CEACAM1: variants seen among roughly 807,000 people sequenced by gnomAD.
CEACAM1 encodes CEA cell adhesion molecule 1.
Under a neutral mutation model 49.1 loss-of-function variants are expected in CEACAM1, and 31 were observed. The observed-to-expected ratio is 0.63, with a 90% CI of 0.47 to 0.85. The LOEUF (loss-of-function observed/expected upper bound fraction) is 0.85. CEACAM1 is among the 40% of genes least tolerant of loss of function. CEACAM1 has a pLI of 0.00. For synonymous variants in CEACAM1, 244 were observed against 247.8 expected (o/e 0.98, Z 0.14); for missense variants, 570 against 645.3 (o/e 0.88, Z 1.26).
chr19:42,521,718 C>A (rs999474706), intron 3 of CEACAM1, among the ~76,000 whole-genome samples, 197 bp from the exon 4 acceptor site: 1 of 152,180 alleles, frequency 6.6e-6, no homozygotes, highest in African/African-American at 2.4e-5. Context: ...CCTGAGCCTC[C>A]CAGGACAGGA....
rs773175580 is a variant in CEACAM1 at position 42,522,155 on chromosome 19, C to G, written c.472G>C (p.Glu158Gln). Reference sequence around the variant, plus strand: ...GTGAAGGCCACAGCATCCTTGTCCTCCACAGGGTTGGAGTTGTTGCTGGAG... The same window carrying G: ...GTGAAGGCCACAGCATCCTTGTCCTGCACAGGGTTGGAGTTGTTGCTGGAG... Reference protein sequence around the residue: ...SISSNNSNPVEDKDAVAFTCE... With the variant: ...SISSNNSNPVQDKDAVAFTCE... Residue 158 changes from glutamate to glutamine, a missense_variant, in exon 3 of 9, where the codon GAG (glutamate) becomes CAG (glutamine). Coordinates refer to ENST00000161559, the MANE Select transcript of CEACAM1 (RefSeq NM_001712.5). 4 of 1,614,110 alleles carry G rather than the reference C, an allele frequency of 2.5e-6. No homozygotes were observed. In the African/African-American group the frequency reaches 5.3e-5, roughly 22 times the overall value.
At chr19:42,517,051 T>G (rs1035817935) in intron 5 of CEACAM1, among the ~76,000 whole-genome samples, 1 of 152,234 alleles carries the variant, frequency 6.6e-6, no homozygotes, top group Admixed American at 6.5e-5. Flanking sequence ...AAATGTTTTT[T>G]GACAAGGGTG....
At position 42,527,302 on chromosome 19, in the gene CEACAM1, C is replaced by G; in HGVS notation, c.163G>C (p.Val55Leu). ...VAEGKEVLLL[V>L]HNLPQQLFGY... ...AAAAGTTGCTGGGGCAGATTGTGGA[C>G]AAGGAGAAGAACCTCCTTCCCCTCT... is the stretch of plus-strand genomic sequence containing the variant. The change falls in exon 2 of 9, where the codon GTC becomes CTC. Residue 55 changes from valine (V) to leucine (L), a missense_variant. Coordinates refer to ENST00000161559, the MANE Select transcript of CEACAM1 (RefSeq NM_001712.5). 11 of 1,614,096 alleles carry G rather than the reference C, an allele frequency of 6.8e-6. No homozygotes were observed. The highest frequency in any genetic ancestry group is 9.3e-6 in the Non-Finnish European group (11 of 1,180,016).
Position 42,519,033 on chromosome 19 carries a change from C to T in CEACAM1, c.1161G>A (p.Lys387=), listed in dbSNP as rs767505210. ...ACCAATACGTCCCAGCATCCTCCCT[C>T]TTGACAGGGTTTATGCTGAGGGTGG... ...GNTTLSINPV[K]REDAGTYWCE... Residue 387 remains lysine, a synonymous_variant, in exon 5 of 9, where the codon AAG becomes AAA. Transcript: ENST00000161559. 3.1e-6 allele frequency: 5 copies of T among 1,614,174 alleles called. No homozygotes were observed. Among genetic ancestry groups the T allele is most frequent in the South Asian group, 1.1e-5 (1 of 91,082 alleles).
chr19:42,526,590 A>T (rs939767149), intron 2 of CEACAM1, among the ~76,000 whole-genome samples: 2 of 152,176 alleles, frequency 1.3e-5, no homozygotes, highest in African/African-American at 4.8e-5. Context: ...AGGAGGCCAC[A>T]ATCTAGCCCT....
rs1212210256 is a variant in CEACAM1, at chr19:42,514,997, G to A, written c.1247-2518C>T. On this transcript the variant is annotated intron_variant, in intron 5 of 8. Coordinates refer to ENST00000161559, the MANE Select transcript of CEACAM1 (RefSeq NM_001712.5). ...TTAAAATAACACTATGGGGCCAGGCGTGGTGGCTCACACCTGTAATCTCAG... is the reference window on the plus strand; with the variant it reads ...TTAAAATAACACTATGGGGCCAGGCATGGTGGCTCACACCTGTAATCTCAG... 3 of 662,996 alleles carry A rather than the reference G, an allele frequency of 4.5e-6. No homozygotes were observed. The East Asian group carries it at 8.7e-5, about 19-fold the overall frequency. The allele number at this position is 662,996 out of a possible 1,614,324, so 41.1% of individuals were successfully genotyped here. A position where few individuals can be genotyped will look rare whatever the true frequency, so the allele number is the denominator to read the frequency against.
intron 2 of CEACAM1, among the ~76,000 whole-genome samples, chr19:42,524,534 G>A (rs1487453625): frequency 6.6e-6 from 1 of 152,190 alleles, no homozygotes; most frequent in African/African-American, 2.4e-5. Flanking sequence ...GCTTATGATG[G>A]ACCTGGCAGG....
intron 8 of CEACAM1, among the ~76,000 whole-genome samples, chr19:42,510,069 A>G (rs1053604256): frequency 6.6e-6 from 1 of 151,956 alleles, no homozygotes; most frequent in South Asian, 2.1e-4. Flanking sequence ...TGTTTGCTCT[A>G]TTGAAAAGGT....
intron 4 of CEACAM1, among the ~76,000 whole-genome samples, chr19:42,519,789 T>C (rs1316750965): frequency 6.6e-6 from 1 of 152,152 alleles, no homozygotes; most frequent in Non-Finnish European, 1.5e-5. Context: ...CAGGATGGTC[T>C]TGATCTCCTG....
At chr19:42,527,511 G>C in intron 1 of CEACAM1, 111 bp from the exon 2 acceptor site, 1 of 914,036 alleles carries the variant, frequency 1.1e-6, no homozygotes, top group Non-Finnish European at 1.5e-6. Flanking sequence ...TGGAGTGTGT[G>C]TGTGTGTGTG....
Position 42,527,413 on chromosome 19 carries a change from AGAGAG to A in CEACAM1, c.65-18_65-14del. 1 of 1,574,398 alleles carries A rather than the reference AGAGAG, an allele frequency of 6.4e-7. No homozygotes were observed. Among genetic ancestry groups the A allele is most frequent in the Non-Finnish European group, 8.6e-7 (1 of 1,161,352 alleles). On this transcript the variant is annotated splice_polypyrimidine_tract_variant and intron_variant, in intron 1 of 8. Coordinates refer to ENST00000161559, the MANE Select transcript of CEACAM1 (RefSeq NM_001712.5). ...GTTAGAAGTGAGGCTAGGAGAGAGG[AGAGAG>A]CATCAGTCAATATTGGGACCTATGC...
intron 5 of CEACAM1, among the ~76,000 whole-genome samples, chr19:42,513,908 ATAT>A (rs1568652544): frequency 4.5e-5 from 6 of 132,942 alleles, no homozygotes; most frequent in African/African-American, 1.9e-4. Context: ...ATATATATAT[ATAT>A]ATATATAATA....
chr19:42,509,632 GTT>G (rs775431561), intron 8 of CEACAM1, among the ~76,000 whole-genome samples: 1 of 145,316 alleles, frequency 6.9e-6, no homozygotes, highest in Non-Finnish European at 1.5e-5. Context: ...GACTGGTAGA[GTT>G]TTTTTTTTTT....
intron 3 of CEACAM1, among the ~76,000 whole-genome samples, 153 bp from the exon 4 acceptor site, chr19:42,521,674 C>T (rs1007716164): frequency 1.3e-5 from 2 of 152,224 alleles, no homozygotes; most frequent in Admixed American, 1.3e-4. Flanking sequence ...GGGTCTGAGA[C>T]ATTCACCTGT....
At chr19:42,522,276 T>A in intron 2 of CEACAM1, 74 bp from the exon 3 acceptor site, 6 of 1,561,766 alleles carry the variant, frequency 3.8e-6, no homozygotes, top group Non-Finnish European at 2.6e-6. Context: ...TCTTTTCTTA[T>A]TTATTTATTT....
chr19:42,528,033 C>T (rs556081938), intron 1 of CEACAM1, among the ~76,000 whole-genome samples: 11 of 152,344 alleles, frequency 7.2e-5, no homozygotes, highest in South Asian at 2.1e-4. Flanking sequence ...TTAATTGTCA[C>T]GCTGACTTAA....
intron 2 of CEACAM1, among the ~76,000 whole-genome samples, chr19:42,523,564 CTG>C (rs1332483900): frequency 2.6e-5 from 4 of 152,308 alleles, no homozygotes; most frequent in Admixed American, 2.6e-4. Context: ...GATGATGACA[CTG>C]TGGATCTTTT....
At chr19:42,516,773 C>T (rs2041609193) in intron 5 of CEACAM1, 4 of 333,160 alleles carry the variant, frequency 1.2e-5, no homozygotes, top group African/African-American at 4.6e-5. Flanking sequence ...ATCATCACAC[C>T]TGTAATCTTA....
chr19:42,527,156 G>A lies in CEACAM1; in HGVS notation c.309C>T (p.Pro103=), dbSNP rs144124872. Residue 103 remains proline (P), a synonymous_variant, in exon 2 of 9, where the codon CCC becomes CCT. Transcript: ENST00000161559. ...CGTTCTGGATCAGCAGGGATGCATT[G>A]GGGTATATTGTCTCTCGACCGCTGT... The part of the protein sequence containing the change: ...PANSGRETIY[P]NASLLIQNVT... 7.2e-5 allele frequency: 117 copies of A among 1,614,174 alleles called. 1 individual carries two copies. The African/African-American group carries it at 1.3e-3, about 18-fold the overall frequency.
Sources: allele counts gnomAD v4.1 joint callset (sites outside exome capture counted in the v4.1 genomes callset), GRCh38; gene constraint gnomAD v4.1.1; transcripts MANE v1.5; gene names NCBI Gene and HGNC (gene_info 2026-07-23, HGNC 2026-07-21).